Variants in LSM14A observed in about 807,000 individuals in gnomAD.
LSM14A encodes the protein LSM14A mRNA processing body assembly factor.
In LSM14A, 14 loss-of-function variants were observed where a neutral mutation model predicts 52.4. That is an observed-to-expected ratio of 0.27 (90% CI 0.18 to 0.42). LSM14A has a LOEUF of 0.42. LSM14A is among the 10% of genes least tolerant of loss of function. The pLI is 1.00. For missense variants in LSM14A, 417 were observed against 581.8 expected, an observed-to-expected ratio of 0.72 and a Z score of 2.91; for synonymous variants, 185 against 200.3, an observed-to-expected ratio of 0.92 and a Z score of 0.64.
intron 1 of LSM14A, among the ~76,000 whole-genome samples, chr19:34,183,170 T>A (rs1485631273): frequency 6.6e-6 from 1 of 152,188 alleles, no homozygotes; most frequent in Non-Finnish European, 1.5e-5. Flanking sequence ...ATTTAAACCA[T>A]TGGGTAAAGA....
rs749637490 is a variant in LSM14A, at chr19:34,221,617, G to C, written c.1247G>C (p.Gly416Ala). Residue 416 changes from glycine to alanine, a missense_variant, in exon 9 of 10, where the codon GGT (glycine) becomes GCT (alanine). Transcript: ENST00000544216. ...GGATACAGAGGCAGAGGAGGTCTTG[G>C]TTTCCGTGGTGGCAGAGGGCGTGGT... ...RGGYRGRGGL[G>A]FRGGRGRGGG... 1.9e-6 allele frequency: 3 copies of C among 1,614,168 alleles called. No individual in the cohort carries two copies. The South Asian group carries it at 3.3e-5, about 18-fold the overall frequency.
intron 6 of LSM14A, among the ~76,000 whole-genome samples, chr19:34,217,298 G>A (rs2072689175): frequency 2.7e-5 from 4 of 149,002 alleles, no homozygotes; most frequent in Non-Finnish European, 5.9e-5. Flanking sequence ...TCCTGTTTTT[G>A]AATCAGTTGT....
At chr19:34,199,121 T>G (rs1486131479) in intron 3 of LSM14A, among the ~76,000 whole-genome samples, 1 of 151,986 alleles carries the variant, frequency 6.6e-6, no homozygotes, top group Non-Finnish European at 1.5e-5. Flanking sequence ...GGTGTTATTA[T>G]TTATTTATTT....
chr19:34,212,533 A>G (rs2072245912), intron 4 of LSM14A, among the ~76,000 whole-genome samples: 2 of 152,252 alleles, frequency 1.3e-5, no homozygotes, highest in South Asian at 4.1e-4. Flanking sequence ...AGGTGTATTT[A>G]CATAAAGTTA....
chr19:34,205,487 CAAAAAAAAAAAAAA>C (rs140536208), intron 3 of LSM14A, among the ~76,000 whole-genome samples: 53 of 95,228 alleles, frequency 5.6e-4, no homozygotes, highest in African/African-American at 1.5e-3. Context: ...CTCCATCTCA[CAAAAAAAAAAAAAA>C]AAAAAAAAAA....
rs114593487 is a variant in LSM14A at position 34,217,942 on chromosome 19, T to C, written c.782-1449T>C. 4.1e-3 allele frequency among the ~76,000 whole-genome samples: 614 copies of C among 151,574 alleles called. 6 individuals are homozygous for C. Among genetic ancestry groups the C allele is most frequent in the African/African-American group, 0.014 (581 of 41,322 alleles). On this transcript the variant is annotated intron_variant, in intron 6 of 9. Coordinates refer to ENST00000544216, the MANE Select transcript of LSM14A (RefSeq NM_015578.4). ...TTCATTAACAGAACAGTGCATATTC[T>C]TCCCGATTTTTTTTGTAGATTTTAC...
At chr19:34,226,537 A>C in intron 9 of LSM14A, 10 of 1,280,338 alleles carry the variant, frequency 7.8e-6, no homozygotes, top group Non-Finnish European at 1.1e-5. Context: ...CTTGTAGCTC[A>C]TTGCTGTCAA....
At chr19:34,215,442 T>C in intron 5 of LSM14A, 142 bp downstream of exon 5, 1 of 1,127,074 alleles carries the variant, frequency 8.9e-7, no homozygotes. Flanking sequence ...CTTTCAAATT[T>C]GACTCAAAGT....
chr19:34,197,747 A>T (rs908652665), intron 3 of LSM14A, among the ~76,000 whole-genome samples: 2 of 152,116 alleles, frequency 1.3e-5, no homozygotes, highest in Non-Finnish European at 2.9e-5. Context: ...GGCCTAAAAC[A>T]TTTAAAAATG....
intron 1 of LSM14A, among the ~76,000 whole-genome samples, chr19:34,184,312 C>G (rs1194545514): frequency 6.6e-6 from 1 of 152,188 alleles, no homozygotes; most frequent in African/African-American, 2.4e-5. Context: ...CTCGGCCTTC[C>G]AAAGTGCTGG....
chr19:34,190,807 T>C (rs575492082), intron 1 of LSM14A, among the ~76,000 whole-genome samples: 15 of 152,270 alleles, frequency 9.9e-5, no homozygotes, highest in Non-Finnish European at 1.5e-4. Flanking sequence ...TTTCTTATCT[T>C]TAGATAACAC....
intron 3 of LSM14A, among the ~76,000 whole-genome samples, chr19:34,201,856 C>G (rs1291026823): frequency 2.0e-5 from 3 of 152,074 alleles, no homozygotes; most frequent in Admixed American, 6.5e-5. Flanking sequence ...GGGTCTCTTT[C>G]TGTCATCCAG....
At chr19:34,174,490 CATT>C (rs766462207) in intron 1 of LSM14A, among the ~76,000 whole-genome samples, 4 of 152,158 alleles carry the variant, frequency 2.6e-5, no homozygotes, top group Non-Finnish European at 4.4e-5. Flanking sequence ...CCTTGTGAAA[CATT>C]ATGCAGTGAC....
rs562372086 is a variant in LSM14A, at chr19:34,219,686, A to G, written c.965-20A>G. ...CAGATTAGCTGTCTTGACTTTTCTG[A>G]TATGTGCTTTTGTTCTTAGAAGATA... On this transcript the variant is annotated intron_variant, in intron 7 of 9. Transcript: ENST00000544216. 6 of 1,597,544 alleles carry G rather than the reference A, an allele frequency of 3.8e-6. No individual in the cohort carries two copies. Among genetic ancestry groups the G allele is most frequent in the East Asian group, 4.5e-5 (2 of 44,754 alleles).
At chr19:34,214,053 G>A (rs1337203796) in intron 4 of LSM14A, among the ~76,000 whole-genome samples, 2 of 152,128 alleles carry the variant, frequency 1.3e-5, no homozygotes, top group Non-Finnish European at 2.9e-5. Flanking sequence ...AAATTGCTGG[G>A]ATTATAGGTG....
chr19:34,220,921 A>C (rs117665846), intron 8 of LSM14A, among the ~76,000 whole-genome samples: 3 of 152,084 alleles, frequency 2.0e-5, no homozygotes, highest in Admixed American at 6.6e-5. Flanking sequence ...CAATCTCATT[A>C]TATCTGAATT....
At chr19:34,226,375 C>T (rs13343990) in intron 9 of LSM14A, 10 of 1,195,950 alleles carry the variant, frequency 8.4e-6, no homozygotes, top group African/African-American at 3.9e-5. Context: ...ATCTCTTTCT[C>T]TTTTTTTTTT....
chr19:34,204,986 C>G (rs2145740003), intron 3 of LSM14A, among the ~76,000 whole-genome samples: 1 of 151,954 alleles, frequency 6.6e-6, no homozygotes, highest in Non-Finnish European at 1.5e-5. Context: ...ACAAAAATTA[C>G]TCAGGCGTCT....
At chr19:34,210,655 C>A (rs1342451080) in intron 4 of LSM14A, among the ~76,000 whole-genome samples, 1 of 152,004 alleles carries the variant, frequency 6.6e-6, no homozygotes, top group Admixed American at 6.6e-5. Flanking sequence ...GACTGGAATG[C>A]AGTGGTGTGA....
Sources: gnomAD v4.1 joint callset for allele counts (sites outside exome capture counted in the v4.1 genomes callset) on GRCh38, gnomAD v4.1.1 for gene constraint, MANE v1.5 for transcripts, NCBI Gene and HGNC (gene_info 2026-07-23, HGNC 2026-07-21) for gene names.